The following TBC1D22A variants were observed in gnomAD, a reference collection of about 807,000 sequenced individuals.
TBC1D22A encodes putative GTPase activator.
In TBC1D22A, 38 loss-of-function variants were observed where a neutral mutation model predicts 60.2. That is an observed-to-expected ratio of 0.63 (90% CI 0.49 to 0.83). TBC1D22A has a LOEUF of 0.83. Ranked by LOEUF, TBC1D22A falls within the 40% of genes least tolerant of loss-of-function variation. The probability of loss-of-function intolerance (pLI) is 0.00; values close to 1 mark genes in which losing one functional copy is unlikely to be tolerated. For missense variants in TBC1D22A, 628 were observed against 701.0 expected (o/e 0.90, Z 1.18); for synonymous variants, 302 against 281.7 (o/e 1.07, Z -0.72).
At chr22:46,907,746 G>T (rs2147752084) in intron 7 of TBC1D22A, among the ~76,000 whole-genome samples, 1 of 152,350 alleles carries the variant, frequency 6.6e-6, no homozygotes, top group African/African-American at 2.4e-5. Flanking sequence ...CCTTCCCAGG[G>T]ACCCACCTTG....
chr22:47,061,548 G>T (rs1276811226), intron 11 of TBC1D22A, among the ~76,000 whole-genome samples: 3 of 152,202 alleles, frequency 2.0e-5, no homozygotes, highest in South Asian at 2.1e-4. Context: ...ATCCCTCACC[G>T]CAGCTTCCCC....
At chr22:47,105,106 A>C (rs2065584668) in intron 11 of TBC1D22A, among the ~76,000 whole-genome samples, 2 of 152,156 alleles carry the variant, frequency 1.3e-5, no homozygotes, top group African/African-American at 4.8e-5. Flanking sequence ...GCTCAGAATA[A>C]ATCTCTTTAA....
intron 5 of TBC1D22A, among the ~76,000 whole-genome samples, chr22:46,889,748 G>A (rs776147813): frequency 6.6e-6 from 1 of 151,832 alleles, no homozygotes; most frequent in South Asian, 2.1e-4. Context: ...CGATGTGTAG[G>A]TCCTGAGTGA....
intron 12 of TBC1D22A, among the ~76,000 whole-genome samples, chr22:47,136,605 C>G (rs774075259): frequency 0.31 from 47,241 of 151,914 alleles, 7,760 homozygotes; most frequent in East Asian, 0.6. Context: ...GGAGCCAACC[C>G]TGGGCCATGT....
chr22:46,887,277 T>C (rs2068165316), intron 5 of TBC1D22A, among the ~76,000 whole-genome samples: 1 of 152,234 alleles, frequency 6.6e-6, no homozygotes, highest in African/African-American at 2.4e-5. Flanking sequence ...TAGATACCAC[T>C]GCAAAGCCAT....
intron 4 of TBC1D22A, among the ~76,000 whole-genome samples, chr22:46,844,631 G>T (rs112053094): frequency 1.2e-4 from 19 of 152,336 alleles, no homozygotes; most frequent in African/African-American, 4.6e-4. Flanking sequence ...CAGAGGTGGG[G>T]CCGAGTGATT....
chr22:46,830,553 G>C (rs1319514123), intron 4 of TBC1D22A, among the ~76,000 whole-genome samples: 1 of 152,244 alleles, frequency 6.6e-6, no homozygotes, highest in African/African-American at 2.4e-5. Context: ...GCTGGTGGAA[G>C]GTCCCAGTGC....
At chr22:47,137,693 C>T (rs373148026) in intron 12 of TBC1D22A, among the ~76,000 whole-genome samples, 2 of 152,214 alleles carry the variant, frequency 1.3e-5, no homozygotes, top group African/African-American at 4.8e-5. Context: ...CTGAAGCAGG[C>T]GGTATCTTCA....
chr22:47,105,016 A>G (rs1340034354), intron 11 of TBC1D22A, among the ~76,000 whole-genome samples: 1 of 152,120 alleles, frequency 6.6e-6, no homozygotes, highest in African/African-American at 2.4e-5. Flanking sequence ...TACAAAATCA[A>G]GCTGCACCCT....
At chr22:46,982,228 T>C (rs2074541214) in intron 9 of TBC1D22A, among the ~76,000 whole-genome samples, 1 of 128,598 alleles carries the variant, frequency 7.8e-6, no homozygotes, top group Non-Finnish European at 1.7e-5. Context: ...GAGACAGTCT[T>C]TTTTTTTTTT....
intron 5 of TBC1D22A, among the ~76,000 whole-genome samples, chr22:46,890,001 A>G (rs1229955167): frequency 1.3e-5 from 2 of 152,202 alleles, no homozygotes; most frequent in Admixed American, 1.3e-4. Context: ...TTGGCCATTT[A>G]TATCTGGGGG....
At chr22:47,075,627 A>C (rs1287611428) in intron 11 of TBC1D22A, among the ~76,000 whole-genome samples, 2 of 152,252 alleles carry the variant, frequency 1.3e-5, no homozygotes. Flanking sequence ...AATAGAAGGC[A>C]TAAAAGGAGA....
chr22:46,982,484 A>C (rs989865667), intron 9 of TBC1D22A, among the ~76,000 whole-genome samples: 4 of 152,076 alleles, frequency 2.6e-5, no homozygotes, highest in African/African-American at 4.8e-5. Context: ...GGCCTCCCAA[A>C]GTGCTGGGAT....
chr22:47,105,216 G>A (rs914758633), intron 11 of TBC1D22A, among the ~76,000 whole-genome samples: 16 of 151,794 alleles, frequency 1.1e-4, no homozygotes, highest in African/African-American at 3.6e-4. Context: ...ACATATTTAA[G>A]ATTCTTGAAA....
chr22:46,903,425 A>G (rs1445799522), intron 7 of TBC1D22A, among the ~76,000 whole-genome samples: 1 of 152,134 alleles, frequency 6.6e-6, no homozygotes, highest in African/African-American at 2.4e-5. Flanking sequence ...CTCTTCTCTG[A>G]GATTCTTGGC....
intron 10 of TBC1D22A, among the ~76,000 whole-genome samples, chr22:47,022,743 A>G (rs1032998814): frequency 1.3e-5 from 2 of 152,176 alleles, no homozygotes; most frequent in African/African-American, 4.8e-5. Flanking sequence ...GCAAGAACGG[A>G]AAACTTTAGA....
intron 4 of TBC1D22A, among the ~76,000 whole-genome samples, chr22:46,849,533 C>G (rs1034246473): frequency 6.6e-6 from 1 of 152,184 alleles, no homozygotes; most frequent in Non-Finnish European, 1.5e-5. Context: ...CTGGGCTGGA[C>G]AGGTGACTCA....
At chr22:46,872,180 T>G (rs941727028) in intron 4 of TBC1D22A, among the ~76,000 whole-genome samples, 5 of 152,158 alleles carry the variant, frequency 3.3e-5, no homozygotes, top group Non-Finnish European at 7.3e-5. Flanking sequence ...AAGGAAAACA[T>G]CAGGACCAGA....
intron 7 of TBC1D22A, among the ~76,000 whole-genome samples, chr22:46,911,580 A>G (rs909766741): frequency 2.6e-5 from 4 of 152,160 alleles, no homozygotes; most frequent in East Asian, 3.9e-4. Context: ...AGTGCTGCAC[A>G]TTGCTTGTGG....
Sources: allele counts gnomAD v4.1 joint callset (sites outside exome capture counted in the v4.1 genomes callset), GRCh38; gene constraint gnomAD v4.1.1; transcripts MANE v1.5; gene names NCBI Gene and HGNC (gene_info 2026-07-23, HGNC 2026-07-21).